The following NPHP4 variants were observed in gnomAD, a reference collection of about 807,000 sequenced individuals.
NPHP4 encodes the protein nephrocystin-4.
Under a neutral mutation model 155.8 loss-of-function variants are expected in NPHP4, and 151 were observed. The ratio of observed to expected loss-of-function variants is 0.97; its 90% confidence interval spans 0.85 to 1.11. NPHP4 has a LOEUF of 1.11. Ranked by LOEUF, NPHP4 falls within the 50% of genes least tolerant of loss-of-function variation. The probability of loss-of-function intolerance (pLI) is 0.00; values close to 1 mark genes in which losing one functional copy is unlikely to be tolerated. For missense variants in NPHP4, 1,956 were observed against 1,925.7 expected (o/e 1.02, Z -0.29); for synonymous variants, 845 against 816.8 (o/e 1.03, Z -0.59).
chr1:5,965,017 TA>T (rs1352686616), intron 5 of NPHP4, among the ~76,000 whole-genome samples: 1 of 143,992 alleles, frequency 6.9e-6, no homozygotes, highest in Admixed American at 7.2e-5. Flanking sequence ...CACTGCAGCC[TA>T]AAACTCCTGG....
chr1:5,884,890 G>C lies in NPHP4; in HGVS notation c.2485+2396C>G, dbSNP rs551848849. The stretch of plus-strand genomic sequence containing the variant: ...AGCCCCTGTCCTACTCCACGACCAA[G>C]ATAACTGCCCAAGCTCCCAGCCAAA... On this transcript the variant is annotated intron_variant, in intron 18 of 29. Coordinates refer to ENST00000378156, the MANE Select transcript of NPHP4 (RefSeq NM_015102.5). Among the ~76,000 whole-genome samples, 4 of 140,024 alleles carry C rather than the reference G, an allele frequency of 2.9e-5. No homozygotes were observed. In the East Asian group the frequency reaches 8.9e-4, roughly 31 times the overall value. The allele number at this position is 140,024 out of a possible 152,430, so 91.9% of individuals were successfully genotyped here. A position where few individuals can be genotyped will look rare whatever the true frequency, so the allele number is the denominator to read the frequency against.
At chr1:5,934,284 T>C in intron 9 of NPHP4, among the ~76,000 whole-genome samples, 1 of 151,884 alleles carries the variant, frequency 6.6e-6, no homozygotes, top group East Asian at 1.9e-4. Context: ...CAACAGCGGG[T>C]CCGACCAGGA....
intron 19 of NPHP4, 96 bp downstream of exon 19, chr1:5,880,006 CACACACACACAT>C: frequency 7.6e-7 from 1 of 1,312,446 alleles, no homozygotes; most frequent in Non-Finnish European, 1.1e-6. Context: ...GAATGGTGCA[CACACACACACAT>C]GCACACACGC....
intron 3 of NPHP4, among the ~76,000 whole-genome samples, chr1:5,970,725 G>A (rs903595464): frequency 7.9e-5 from 12 of 151,954 alleles, no homozygotes; most frequent in Admixed American, 2.0e-4. Flanking sequence ...CTGGTCTTCC[G>A]CTCTATGACT....
intron 1 of NPHP4, among the ~76,000 whole-genome samples, chr1:5,986,873 C>G (rs1299089305): frequency 6.6e-6 from 1 of 152,018 alleles, no homozygotes; most frequent in East Asian, 1.9e-4. Context: ...CACAAGGACA[C>G]CAGGGGTGGG....
intron 16 of NPHP4, among the ~76,000 whole-genome samples, chr1:5,895,259 C>A (rs554716741): frequency 1.4e-3 from 213 of 152,136 alleles, no homozygotes; most frequent in Middle Eastern, 6.8e-3. Flanking sequence ...GTGCAGCACA[C>A]CAACATGGCA....
At chr1:5,947,306 C>A in intron 8 of NPHP4, 76 bp from the exon 9 acceptor site, 1 of 1,543,466 alleles carries the variant, frequency 6.5e-7, no homozygotes, top group Non-Finnish European at 8.9e-7. Flanking sequence ...CGACCACTGT[C>A]AGAACAGTCA....
chr1:5,897,366 T>TG (rs948087621), intron 16 of NPHP4, among the ~76,000 whole-genome samples: 6 of 152,108 alleles, frequency 3.9e-5, no homozygotes, highest in African/African-American at 1.4e-4. Context: ...AGGAGAAACC[T>TG]GGGGGTGGGC....
rs1643993499 is a variant in NPHP4 at position 5,889,370 on chromosome 1, T to G, written c.2304+1498A>C. 6.6e-6 allele frequency among the ~76,000 whole-genome samples: 1 copy of G among 152,244 alleles called. No homozygotes were observed. The highest frequency in any genetic ancestry group is 6.5e-5 in the Admixed American group (1 of 15,288). ...ATCTCAGTTTTTCACGTTTTCTACC[T>G]AAGTTTTAAAGTTACAAGATTTTAT... On this transcript the variant is annotated intron_variant, in intron 17 of 29. Coordinates refer to ENST00000378156, the MANE Select transcript of NPHP4 (RefSeq NM_015102.5). The surrounding 1 kb of genome is among the most constrained non-coding windows in gnomAD (Gnocchi z 4.2).
chr1:5,893,795 C>G (rs954073404), intron 16 of NPHP4, among the ~76,000 whole-genome samples: 7 of 152,184 alleles, frequency 4.6e-5, no homozygotes, highest in African/African-American at 1.7e-4. Flanking sequence ...TTTTCGCTAC[C>G]GCTAGACCAT....
rs746256511 is a variant in NPHP4, at chr1:5,863,924, G to C, written c.4106C>G (p.Pro1369Arg). 3 of 1,613,750 alleles carry C rather than the reference G, an allele frequency of 1.9e-6. No homozygotes were observed. The highest frequency in any genetic ancestry group is 2.5e-6 in the Non-Finnish European group (3 of 1,179,862). The change falls in exon 29 of 30, where the codon CCG becomes CGG. Residue 1369 changes from proline (P) to arginine (R), a missense_variant. Coordinates refer to ENST00000378156, the MANE Select transcript of NPHP4 (RefSeq NM_015102.5). The stretch of plus-strand genomic sequence containing the variant: ...GTCCTCTCTGAACCGCAGCAGCTCC[G>C]GGTGGTCGCTGTGCAGGTGGAATGT... ...RRTFHLHSDH[P>R]ELLRFREDSF...
At chr1:5,873,129 G>T in intron 23 of NPHP4, 123 bp downstream of exon 23, 1 of 835,324 alleles carries the variant, frequency 1.2e-6, no homozygotes. Flanking sequence ...CCAGGCCCAC[G>T]CCACCCCTGC....
Position 5,874,648 on chromosome 1 carries a change from C to T in NPHP4, c.3054G>A (p.Val1018=). The part of the protein sequence containing the change: ...EIDNPELSVI[V]DSQEWRDFKG... The stretch of plus-strand genomic sequence containing the variant: ...TGAAGTCCCTCCACTCCTGACTGTC[C>T]ACGATGACGCTGGGGGAGGCAGTGT... The change falls in exon 22 of 30, where the codon GTG becomes GTA. Residue 1018 remains valine, a synonymous_variant. Coordinates refer to ENST00000378156, the MANE Select transcript of NPHP4 (RefSeq NM_015102.5). 2 of 1,611,640 alleles carry T rather than the reference C, an allele frequency of 1.2e-6. No homozygotes were observed. The highest frequency in any genetic ancestry group is 1.7e-6 in the Non-Finnish European group (2 of 1,179,486).
At position 5,935,041 on chromosome 1, in the gene NPHP4, C is replaced by T. The variant is rs1036930031; in HGVS notation, c.1120-1712G>A. On this transcript the variant is annotated intron_variant, in intron 9 of 29. Transcript: ENST00000378156. ...GCCTCTAAAATCCGGACACAGATGG[C>T]CCCATGGTCTCTACTGGGCTAAACC... Among the ~76,000 whole-genome samples, 3 of 152,140 alleles carry T rather than the reference C, an allele frequency of 2.0e-5. No individual in the cohort carries two copies. In the South Asian group the frequency reaches 6.2e-4, roughly 32 times the overall value.
At chr1:5,940,117 C>T (rs1646747246) in intron 9 of NPHP4, among the ~76,000 whole-genome samples, 1 of 152,136 alleles carries the variant, frequency 6.6e-6, no homozygotes, top group Non-Finnish European at 1.5e-5. Flanking sequence ...ACATGTCCCC[C>T]AAAAGGCATG....
At position 5,867,542 on chromosome 1, in the gene NPHP4, C is replaced by A; in HGVS notation, c.3472+198G>T. ...AGGGCAGACTCAGCCGGCAAATGCG[C>A]ACCTAGTCATCTCAGAGGTGGCAAG... On this transcript the variant is annotated intron_variant, in intron 24 of 29. Transcript: ENST00000378156. The surrounding 1 kb of genome is among the most constrained non-coding windows in gnomAD (Gnocchi z 4.1). 8.0e-6 allele frequency: 5 copies of A among 626,864 alleles called. No individual in the cohort carries two copies. Among genetic ancestry groups the A allele is most frequent in the Non-Finnish European group, 1.1e-5 (4 of 363,576 alleles). 38.8% of individuals were successfully genotyped at this position (626,864 alleles called of 1,614,324 possible). A position where few individuals can be genotyped will look rare whatever the true frequency, so the allele number is the denominator to read the frequency against.
At chr1:5,976,901 G>C (rs1653693957) in intron 3 of NPHP4, among the ~76,000 whole-genome samples, 1 of 152,132 alleles carries the variant, frequency 6.6e-6, no homozygotes, top group South Asian at 2.1e-4. Flanking sequence ...CCATGGGAAA[G>C]GCACACCTGG....
intron 6 of NPHP4, among the ~76,000 whole-genome samples, chr1:5,953,441 C>A (rs993618685): frequency 3.3e-5 from 5 of 152,182 alleles, no homozygotes; most frequent in Non-Finnish European, 5.9e-5. Context: ...TCAAAGAACA[C>A]AGATTGGAGA....
At chr1:5,925,973 T>C (rs932743034) in intron 11 of NPHP4, among the ~76,000 whole-genome samples, 1 of 152,216 alleles carries the variant, frequency 6.6e-6, no homozygotes, top group Non-Finnish European at 1.5e-5. Context: ...TTTTTGAAAT[T>C]ATGTGTCCTA....
Sources: gnomAD v4.1 joint callset for allele counts (sites outside exome capture counted in the v4.1 genomes callset) on GRCh38, gnomAD v4.1.1 for gene constraint, Gnocchi (gnomAD v3.1) non-coding constraint, MANE v1.5 for transcripts, NCBI Gene and HGNC (gene_info 2026-07-23, HGNC 2026-07-21) for gene names.